RAP1A: variants seen among roughly 807,000 people sequenced by gnomAD.
RAP1A encodes RAP1A, member of RAS oncogene family.
RAP1A carries 6 observed loss-of-function variants against 26.4 expected under a neutral mutation model. The ratio of observed to expected loss-of-function variants is 0.23; its 90% CI spans 0.12 to 0.45. The LOEUF (loss-of-function observed/expected upper bound fraction) is 0.45. RAP1A is among the 20% of genes least tolerant of loss of function. RAP1A has a pLI of 0.99. For synonymous variants in RAP1A, 73 were observed against 79.4 expected (o/e 0.92, Z 0.43); for missense variants, 121 against 217.2 (o/e 0.56, Z 2.78).
chr1:111,548,471 G>A (rs368261886), intron 1 of RAP1A, among the ~76,000 whole-genome samples: 3 of 152,272 alleles, frequency 2.0e-5, no homozygotes, highest in South Asian at 4.1e-4. Context: ...TCCTTTGAAA[G>A]CTCTGCTCTT....
In RAP1A at chr1:111,716,605, A is replaced by G. The variant is rs1051033899; in HGVS notation, c.*4204A>G. The G allele has an allele frequency of 1.3e-5, 2 of 152,204 alleles. No individual in the cohort carries two copies. Among genetic ancestry groups the G allele is most frequent in the South Asian group, 4.1e-4 (2 of 4,828 alleles). The allele number at this position is 152,204 out of a possible 1,614,324, so 9.4% of individuals were successfully genotyped here. A position where few individuals can be genotyped will look rare whatever the true frequency, so the allele number is the denominator to read the frequency against. On this transcript the variant is annotated 3_prime_UTR_variant, in exon 8 of 8. Transcript: ENST00000369709. ...TGGTTCTGGGCCCAAGGTGTGACAT[A>G]CATTTCCCACTAATTGCTTCTCTCA...
At chr1:111,570,753 C>A (rs1187429514) in intron 1 of RAP1A, among the ~76,000 whole-genome samples, 1 of 152,112 alleles carries the variant, frequency 6.6e-6, no homozygotes, top group African/African-American at 2.4e-5. Flanking sequence ...TGAGGGACAT[C>A]TGGCTTTATA....
intron 1 of RAP1A, among the ~76,000 whole-genome samples, chr1:111,565,611 G>A (rs1423938794): frequency 2.0e-5 from 3 of 152,110 alleles, no homozygotes; most frequent in Non-Finnish European, 4.4e-5. Context: ...TAGTATGGCT[G>A]GGGAACCAAA....
intron 1 of RAP1A, among the ~76,000 whole-genome samples, chr1:111,553,498 C>A (rs755979914): frequency 2.0e-5 from 3 of 152,180 alleles, no homozygotes; most frequent in Non-Finnish European, 1.5e-5. Flanking sequence ...AGCTTACATG[C>A]AGAGTAAAAT....
At chr1:111,580,261 T>C (rs1405496255) in intron 1 of RAP1A, among the ~76,000 whole-genome samples, 2 of 152,178 alleles carry the variant, frequency 1.3e-5, no homozygotes, top group Non-Finnish European at 2.9e-5. Context: ...AGAACATCTT[T>C]ACAAAAGTGC....
At chr1:111,554,051 A>T (rs1571462143) in intron 1 of RAP1A, among the ~76,000 whole-genome samples, 1 of 152,380 alleles carries the variant, frequency 6.6e-6, no homozygotes, top group East Asian at 1.9e-4. Flanking sequence ...GTGCATATGC[A>T]CTAAAGCCAG....
chr1:111,616,911 C>T (rs1362956849), upstream of RAP1A, among the ~76,000 whole-genome samples: 1 of 152,190 alleles, frequency 6.6e-6, no homozygotes, highest in Non-Finnish European at 1.5e-5. Context: ...CTTTAATAGC[C>T]AACAGCTTTT....
rs1338393336 is a variant in RAP1A, at chr1:111,713,988, A to T, written c.*1587A>T. 1 of 152,220 alleles carries T rather than the reference A, an allele frequency of 6.6e-6. No individual in the cohort carries two copies. Among genetic ancestry groups the T allele is most frequent in the Non-Finnish European group, 1.5e-5 (1 of 68,040 alleles). 9.4% of individuals were successfully genotyped at this position (152,220 alleles called of 1,614,324 possible). Reference sequence around the variant, plus strand: ...AGATACTGTCTCTTTGCAACTAGGTATGAAGAAGTGTTCATGCCTTGCTGA... The same window carrying T: ...AGATACTGTCTCTTTGCAACTAGGTTTGAAGAAGTGTTCATGCCTTGCTGA... On this transcript the variant is annotated 3_prime_UTR_variant, in exon 8 of 8. Coordinates refer to ENST00000369709, the MANE Select transcript of RAP1A (RefSeq NM_002884.4).
intron 1 of RAP1A, among the ~76,000 whole-genome samples, chr1:111,662,408 A>G (rs1412168978): frequency 6.6e-6 from 1 of 151,954 alleles, no homozygotes; most frequent in Non-Finnish European, 1.5e-5. Flanking sequence ...AAAAAAAAAA[A>G]AAAAAAAAAA....
chr1:111,577,401 CAAAAAAAA>C (rs56156855), intron 1 of RAP1A, among the ~76,000 whole-genome samples: 79 of 29,058 alleles, frequency 2.7e-3, no homozygotes, highest in African/African-American at 9.6e-3. Flanking sequence ...GACTCCATCG[CAAAAAAAA>C]AAAAAAAAAA....
chr1:111,698,274 C>T (rs905180431), intron 4 of RAP1A, among the ~76,000 whole-genome samples: 1 of 151,992 alleles, frequency 6.6e-6, no homozygotes, highest in Non-Finnish European at 1.5e-5. Flanking sequence ...TGGATGGGTT[C>T]GTTTTTTGTT....
intron 1 of RAP1A, among the ~76,000 whole-genome samples, chr1:111,547,009 A>C (rs1399322771): frequency 4.6e-5 from 7 of 152,054 alleles, no homozygotes; most frequent in Non-Finnish European, 1.0e-4. Context: ...ATGCCCAAGG[A>C]TTGTGTTCTT....
chr1:111,666,396 T>G (rs1434869765), intron 1 of RAP1A, among the ~76,000 whole-genome samples: 1 of 152,166 alleles, frequency 6.6e-6, no homozygotes, highest in African/African-American at 2.4e-5. Flanking sequence ...TATATTAGTT[T>G]CCATATGTAA....
Position 111,687,238 on chromosome 1 carries a change from C to T in RAP1A, c.-27-4096C>T, listed in dbSNP as rs543045201. The stretch of plus-strand genomic sequence containing the variant: ...TTTTTTTTTTTTTGACATGGAGTCT[C>T]GCTCTGTTGCCCAGGGTGGAGTGCA... On this transcript the variant is annotated intron_variant, in intron 1 of 7. Transcript: ENST00000369709. Among the ~76,000 whole-genome samples, 9 of 143,492 alleles carry T rather than the reference C, an allele frequency of 6.3e-5. No individual in the cohort carries two copies. In the East Asian group the frequency reaches 8.1e-4, roughly 13 times the overall value. The allele number at this position is 143,492 out of a possible 152,430, so 94.1% of individuals were successfully genotyped here.
chr1:111,685,513 A>G (rs1557891616), intron 1 of RAP1A, among the ~76,000 whole-genome samples: 1 of 152,202 alleles, frequency 6.6e-6, no homozygotes, highest in Non-Finnish European at 1.5e-5. Context: ...GCCAACAAAC[A>G]TATGAAAAAA....
rs71078091 is a variant in RAP1A at position 111,704,148 on chromosome 1, A to ATT, written c.325-180_325-179dup. Among the ~76,000 whole-genome samples, 148 of 136,872 alleles carry ATT rather than the reference A, an allele frequency of 1.1e-3. 1 individual carries two copies. The highest frequency in any genetic ancestry group is 1.9e-3 in the African/African-American group (68 of 36,628). The allele number at this position is 136,872 out of a possible 152,430, so 89.8% of individuals were successfully genotyped here. On this transcript the variant is annotated intron_variant, in intron 5 of 7. Transcript: ENST00000369709. ...ATATCTATGTAGTAGGATCTCTTCC[A>ATT]TTTTTTTTTTTTTTTTGTCTCTTCC... is the stretch of plus-strand genomic sequence containing the variant.
chr1:111,681,020 A>G (rs1457795384), intron 1 of RAP1A, among the ~76,000 whole-genome samples: 1 of 152,100 alleles, frequency 6.6e-6, no homozygotes, highest in Non-Finnish European at 1.5e-5. Context: ...GCTGAGGCAG[A>G]CGGATCGTGA....
chr1:111,654,302 C>G (rs1342687196), intron 1 of RAP1A, among the ~76,000 whole-genome samples: 2 of 152,074 alleles, frequency 1.3e-5, no homozygotes, highest in Admixed American at 6.6e-5. Context: ...AAACAAACCC[C>G]CCTCTTAATA....
At chr1:111,649,398 C>T in intron 1 of RAP1A, 1 of 363,370 alleles carries the variant, frequency 2.8e-6, no homozygotes. Flanking sequence ...CCCAAGCTGT[C>T]CCAGAAGCTG....
Sources: gnomAD v4.1 joint callset for allele counts (sites outside exome capture counted in the v4.1 genomes callset) on GRCh38, gnomAD v4.1.1 for gene constraint, MANE v1.5 for transcripts, NCBI Gene and HGNC (gene_info 2026-07-23, HGNC 2026-07-21) for gene names.